Variants in GLI2 observed in about 807,000 individuals in gnomAD.
The protein encoded by GLI2 is transcription activator GLI2.
In GLI2, 22 loss-of-function variants were observed where a neutral mutation model predicts 78.9. That is an observed-to-expected ratio of 0.28 (90% CI 0.20 to 0.40). The LOEUF (loss-of-function observed/expected upper bound fraction) is 0.40, where lower values mean the gene tolerates loss of function less well. Ranked by LOEUF, GLI2 falls within the 10% of genes least tolerant of loss-of-function variation. The pLI is 1.00. For synonymous variants in GLI2, 974 were observed against 963.7 expected, an observed-to-expected ratio of 1.01 and a Z score of -0.20; for missense variants, 2,097 against 2,213.2, an observed-to-expected ratio of 0.95 and a Z score of 1.05.
At chr2:120,978,657 G>A in intron 10 of GLI2, 74 bp downstream of exon 10, 1 of 1,526,892 alleles carries the variant, frequency 6.5e-7, no homozygotes, top group Non-Finnish European at 8.9e-7. Context: ...GATCATGTTT[G>A]GAGGTGGCTG....
At position 120,989,852 on chromosome 2, in the gene GLI2, C is replaced by G; in HGVS notation, c.3887C>G (p.Pro1296Arg). The change falls in exon 14 of 14, where the codon CCA (proline) becomes CGA (arginine). Residue 1296 changes from proline (P) to arginine (R), a missense_variant. By Grantham distance (103) the Pro-to-Arg change is moderately radical. This residue lies in a region of GLI2 where 1,290 missense variants were observed against 1,261.7 expected (regional missense o/e 1.02). Transcript: ENST00000361492. ...CCCGATTCAGCCCTGGCTGGAGTGC[C>G]ACCACCTCACCCAGTCCAGAGCTAC... is the stretch of plus-strand genomic sequence containing the variant. ...GVPDSALAGV[P>R]PPHPVQSYPQ... The G allele has an allele frequency of 6.2e-7, 1 of 1,612,850 alleles. No individual in the cohort carries two copies. The highest frequency in any genetic ancestry group is 8.5e-7 in the Non-Finnish European group (1 of 1,179,774).
At chr2:120,811,537 C>CG (rs1396695669) in intron 2 of GLI2, among the ~76,000 whole-genome samples, 4 of 152,146 alleles carry the variant, frequency 2.6e-5, no homozygotes, top group South Asian at 2.1e-4. Context: ...AGAGGCTCAA[C>CG]GAGGGGTGGA....
chr2:120,907,166 G>C (rs75234431), intron 2 of GLI2, among the ~76,000 whole-genome samples: 9,666 of 152,214 alleles, frequency 0.064, 474 homozygotes, highest in African/African-American at 0.14. Context: ...TGACCACACA[G>C]GGCTCTCGGA....
intron 5 of GLI2, among the ~76,000 whole-genome samples, chr2:120,966,663 A>G (rs1681872140): frequency 6.6e-6 from 1 of 152,200 alleles, no homozygotes; most frequent in Non-Finnish European, 1.5e-5. Context: ...GGTTGCAGCC[A>G]AGCTTGGGGC....
Position 120,749,652 on chromosome 2 carries a change from G to A in GLI2, c.-31+13367G>A, listed in dbSNP as rs1682805961. On this transcript the variant is annotated intron_variant, in intron 1 of 13. Transcript: ENST00000361492. ...TTCTAGGACTCTGTAAGCTATGACA[G>A]TCAGAGCCTGGGATCATAATTGTTC... Among the ~76,000 whole-genome samples, 5 of 152,248 alleles carry A rather than the reference G, an allele frequency of 3.3e-5. No individual in the cohort carries two copies. In the South Asian group the frequency reaches 8.3e-4, roughly 25 times the overall value.
intron 1 of GLI2, among the ~76,000 whole-genome samples, chr2:120,752,022 C>CA (rs1352542534): frequency 6.6e-6 from 1 of 152,116 alleles, no homozygotes; most frequent in Non-Finnish European, 1.5e-5. Context: ...GTTGAGTGAG[C>CA]ACGACCCCCA....
At chr2:120,892,427 T>G (rs747389455) in intron 2 of GLI2, among the ~76,000 whole-genome samples, 9 of 152,176 alleles carry the variant, frequency 5.9e-5, no homozygotes, top group Non-Finnish European at 8.8e-5. Flanking sequence ...TAAATCCTGC[T>G]CTGTGCATAA....
At chr2:120,988,149 G>A in intron 13 of GLI2, 59 bp from the exon 14 acceptor site, 14 of 1,487,384 alleles carry the variant, frequency 9.4e-6, no homozygotes, top group Non-Finnish European at 1.3e-5. Context: ...GACTGAGCAC[G>A]GTCAAAGCAA....
intron 2 of GLI2, among the ~76,000 whole-genome samples, chr2:120,907,091 C>T (rs1176598189): frequency 6.6e-6 from 1 of 152,178 alleles, no homozygotes; most frequent in South Asian, 2.1e-4. Context: ...TTGTGCCCAG[C>T]GTCATTACAT....
At chr2:120,884,010 T>G (rs1272132206) in intron 2 of GLI2, among the ~76,000 whole-genome samples, 2 of 152,176 alleles carry the variant, frequency 1.3e-5, no homozygotes, top group Non-Finnish European at 2.9e-5. Flanking sequence ...GTGTTCCTGC[T>G]CATACTTTTG....
At chr2:120,980,535 C>A (rs1682672091) in intron 10 of GLI2, among the ~76,000 whole-genome samples, 1 of 152,064 alleles carries the variant, frequency 6.6e-6, no homozygotes. Context: ...GTTACTAGAC[C>A]CTTGTCAGAT....
intron 1 of GLI2, among the ~76,000 whole-genome samples, chr2:120,772,219 C>A (rs1025619188): frequency 6.6e-6 from 1 of 152,150 alleles, no homozygotes; most frequent in Admixed American, 6.5e-5. Context: ...AGAGGGTAGA[C>A]AGTGCTGGTC....
chr2:120,984,989 G>C (rs999086556), intron 12 of GLI2, among the ~76,000 whole-genome samples: 6 of 152,210 alleles, frequency 3.9e-5, no homozygotes, highest in African/African-American at 1.4e-4. Flanking sequence ...GGGTGACAGG[G>C]ATGCCGCCCT....
At chr2:120,815,601 C>G (rs1685457260) in intron 2 of GLI2, among the ~76,000 whole-genome samples, 1 of 152,222 alleles carries the variant, frequency 6.6e-6, no homozygotes, top group Non-Finnish European at 1.5e-5. Context: ...GCCTCTGTGC[C>G]TGCGCACCTC....
intron 3 of GLI2, 105 bp from the exon 4 acceptor site, chr2:120,951,138 G>A: frequency 3.9e-6 from 3 of 767,004 alleles, no homozygotes; most frequent in Non-Finnish European, 7.3e-6. Flanking sequence ...GGTTGTTCTG[G>A]AAAGTCTTTC....
intron 2 of GLI2, among the ~76,000 whole-genome samples, chr2:120,903,786 C>T (rs957076522): frequency 6.6e-6 from 1 of 152,198 alleles, no homozygotes; most frequent in Non-Finnish European, 1.5e-5. Context: ...TTTGTGCTTC[C>T]TGCCCTTGGC....
At chr2:120,894,014 G>A (rs1047132748) in intron 2 of GLI2, among the ~76,000 whole-genome samples, 1 of 152,196 alleles carries the variant, frequency 6.6e-6, no homozygotes, top group African/African-American at 2.4e-5. Context: ...GAATAAACTC[G>A]CTTTCTTCCC....
At chr2:120,980,044 G>T (rs1358621214) in intron 10 of GLI2, among the ~76,000 whole-genome samples, 1 of 152,218 alleles carries the variant, frequency 6.6e-6, no homozygotes, top group Non-Finnish European at 1.5e-5. Flanking sequence ...GCATTCATCA[G>T]TTGATGGATA....
At position 120,737,373 on chromosome 2, in the gene GLI2, C is replaced by A. The variant is rs972450842; in HGVS notation, c.-31+1088C>A. Among the ~76,000 whole-genome samples the A allele has an allele frequency of 6.6e-6, 1 of 152,124 alleles. No individual in the cohort carries two copies. The highest frequency in any genetic ancestry group is 2.4e-5 in the African/African-American group (1 of 41,428). On this transcript the variant is annotated intron_variant, in intron 1 of 13. Coordinates refer to ENST00000361492, the MANE Select transcript of GLI2 (RefSeq NM_001374353.1). This position sits in a 1 kb window ranked among gnomAD's most constrained non-coding sequence, Gnocchi z 4.3. Reference sequence around the variant, plus strand: ...TGGGGATGGAGCCCGTGCGCCTCACCCTGGGTGATCGGTCGCTGAGGCTCT... The same window carrying A: ...TGGGGATGGAGCCCGTGCGCCTCACACTGGGTGATCGGTCGCTGAGGCTCT...
Sources: allele counts gnomAD v4.1 joint callset (sites outside exome capture counted in the v4.1 genomes callset), GRCh38; gene constraint gnomAD v4.1.1; regional missense constraint gnomAD v4.1.1; non-coding constraint Gnocchi (gnomAD v3.1); transcripts MANE v1.5; gene names NCBI Gene and HGNC (gene_info 2026-07-23, HGNC 2026-07-21).